Variants in RAB2A observed in about 807,000 individuals in gnomAD.
The protein encoded by RAB2A is ras-related protein Rab-2A.
Under a neutral mutation model 32.5 loss-of-function variants are expected in RAB2A, and 7 were observed. The ratio of observed to expected loss-of-function variants is 0.22; its 90% CI spans 0.12 to 0.40. The LOEUF is 0.40. Ranked by LOEUF, RAB2A falls within the 10% of genes least tolerant of loss-of-function variation. RAB2A has a pLI of 1.00. For synonymous variants in RAB2A, 79 were observed against 85.2 expected (o/e 0.93, Z 0.40); for missense variants, 108 against 260.7 (o/e 0.41, Z 4.03).
At chr8:60,611,884 ATTAAG>A (rs1268790492) in intron 6 of RAB2A, among the ~76,000 whole-genome samples, 1 of 152,240 alleles carries the variant, frequency 6.6e-6, no homozygotes, top group Non-Finnish European at 1.5e-5. Flanking sequence ...TTTTAAAACT[ATTAAG>A]TTTACATAGA....
At chr8:60,579,751 C>T (rs1803708341) in intron 3 of RAB2A, among the ~76,000 whole-genome samples, 1 of 151,924 alleles carries the variant, frequency 6.6e-6, no homozygotes. Context: ...CCTCAGCTTC[C>T]CGAGTAGCTG....
At chr8:60,575,092 G>GT (rs1563474748) in intron 3 of RAB2A, among the ~76,000 whole-genome samples, 1,461 of 120,874 alleles carry the variant, frequency 0.012, 41 homozygotes, top group African/African-American at 0.05. Context: ...TTTTTTTGGG[G>GT]GTTTTTTTTT....
rs773617092 is a variant in RAB2A, at chr8:60,584,744, G to A, written c.291G>A (p.Leu97=). 2.5e-6 allele frequency: 4 copies of A among 1,612,654 alleles called. No homozygotes were observed. In the South Asian group the frequency reaches 4.4e-5, roughly 18 times the overall value. The change falls in exon 5 of 8, where the codon TTG becomes TTA. Residue 97 remains leucine (L), a synonymous_variant. Coordinates refer to ENST00000262646, the MANE Select transcript of RAB2A (RefSeq NM_002865.3). ...DITRRDTFNH[L]TTWLEDARQH... ...TTAGGAGAGATACATTCAACCACTT[G>A]ACAACCTGGTTAGAAGATGCCCGCC...
Position 60,548,794 on chromosome 8 carries a change from C to G in RAB2A, c.47-10058C>G, listed in dbSNP as rs1334495252. Among the ~76,000 whole-genome samples, 3 of 137,830 alleles carry G rather than the reference C, an allele frequency of 2.2e-5. No individual in the cohort carries two copies. In the South Asian group the frequency reaches 7.1e-4, roughly 33 times the overall value. 90.4% of individuals were successfully genotyped at this position (137,830 alleles called of 152,430 possible). On this transcript the variant is annotated intron_variant, in intron 1 of 7. Transcript: ENST00000262646. ...CTGATCCCCCCACCTCCCTCCCAGA[C>G]GGGGCGGCTGGCCGGGCGGGGGGCT...
intron 1 of RAB2A, among the ~76,000 whole-genome samples, chr8:60,517,878 G>T (rs1012801263): frequency 3.9e-5 from 6 of 152,032 alleles, no homozygotes; most frequent in African/African-American, 1.4e-4. Context: ...ATTACTTGAC[G>T]GCTGGAGAAT....
chr8:60,568,781 G>T (rs1005629336), intron 2 of RAB2A, among the ~76,000 whole-genome samples: 1 of 152,140 alleles, frequency 6.6e-6, no homozygotes, highest in Non-Finnish European at 1.5e-5. Flanking sequence ...TCTTGACTTT[G>T]ACTCCACAGA....
chr8:60,553,405 G>C (rs1807886719), intron 1 of RAB2A, among the ~76,000 whole-genome samples: 1 of 152,202 alleles, frequency 6.6e-6, no homozygotes, highest in Admixed American at 6.5e-5. Context: ...GCCTAGATTA[G>C]TGTTTGATTG....
intron 1 of RAB2A, among the ~76,000 whole-genome samples, chr8:60,523,508 C>T (rs1563457460): frequency 6.6e-6 from 1 of 152,112 alleles, no homozygotes; most frequent in Non-Finnish European, 1.5e-5. Context: ...TTTCCACTGG[C>T]CTGAATTTTA....
intron 5 of RAB2A, among the ~76,000 whole-genome samples, chr8:60,590,380 G>A (rs1344776051): frequency 1.3e-5 from 2 of 151,172 alleles, no homozygotes; most frequent in Admixed American, 6.6e-5. Flanking sequence ...TCTCAGTCCT[G>A]TAGTCCTAGC....
intron 2 of RAB2A, chr8:60,569,889 C>A: frequency 2.3e-6 from 1 of 441,650 alleles, no homozygotes; most frequent in Non-Finnish European, 4.5e-6. Flanking sequence ...AGAGAATATT[C>A]TAGAATGTCT....
At chr8:60,569,833 T>C (rs2130838749) in intron 2 of RAB2A, 2 of 371,744 alleles carry the variant, frequency 5.4e-6, no homozygotes, top group South Asian at 4.0e-5. Context: ...TTAATTTGAA[T>C]AAAGAGACGA....
At chr8:60,557,343 C>T (rs1807954902) in intron 1 of RAB2A, among the ~76,000 whole-genome samples, 1 of 152,078 alleles carries the variant, frequency 6.6e-6, no homozygotes, top group Non-Finnish European at 1.5e-5. Context: ...TAGCAACACC[C>T]TGTCTCTACT....
At chr8:60,595,148 A>C (rs965003450) in intron 6 of RAB2A, among the ~76,000 whole-genome samples, 1 of 152,224 alleles carries the variant, frequency 6.6e-6, no homozygotes, top group East Asian at 1.9e-4. Context: ...TGAAGAAAGA[A>C]TCTTAGAACA....
At chr8:60,612,175 G>A (rs1383787860) in intron 6 of RAB2A, among the ~76,000 whole-genome samples, 3 of 152,024 alleles carry the variant, frequency 2.0e-5, no homozygotes, top group African/African-American at 7.2e-5. Flanking sequence ...TCCCCTCCCT[G>A]TGTCCATGTG....
intron 6 of RAB2A, among the ~76,000 whole-genome samples, chr8:60,611,085 TCA>T (rs1031017955): frequency 6.6e-6 from 1 of 152,232 alleles, no homozygotes; most frequent in Non-Finnish European, 1.5e-5. Flanking sequence ...GTTAATTTCT[TCA>T]CAACAGATAT....
At chr8:60,564,476 AATTGTTC>A (rs1289702553) in intron 2 of RAB2A, among the ~76,000 whole-genome samples, 1 of 152,160 alleles carries the variant, frequency 6.6e-6, no homozygotes, top group Non-Finnish European at 1.5e-5. Context: ...CCACAGAATG[AATTGTTC>A]ATATTTTCTG....
intron 1 of RAB2A, among the ~76,000 whole-genome samples, chr8:60,523,813 C>T (rs1476877771): frequency 6.6e-6 from 1 of 151,804 alleles, no homozygotes; most frequent in Non-Finnish European, 1.5e-5. Context: ...GCCTCAGCCT[C>T]CCAAGTAGCT....
At chr8:60,610,792 A>G (rs550846807) in intron 6 of RAB2A, among the ~76,000 whole-genome samples, 3 of 152,330 alleles carry the variant, frequency 2.0e-5, no homozygotes, top group Non-Finnish European at 2.9e-5. Context: ...AAATTATGCT[A>G]ATAAATGCAT....
Position 60,622,827 on chromosome 8 carries a change from T to C in RAB2A, c.*2058T>C, listed in dbSNP as rs1365117187. On this transcript the variant is annotated 3_prime_UTR_variant, in exon 8 of 8. Transcript: ENST00000262646. ...CAGCAGGTGGACTTCTCAATAGTTC[T>C]TTTCCACATTCTCTACAAATCACAT... 6.6e-6 allele frequency: 1 copy of C among 152,232 alleles called. No individual in the cohort carries two copies. The highest frequency in any genetic ancestry group is 2.4e-5 in the African/African-American group (1 of 41,454). 9.4% of individuals were successfully genotyped at this position (152,232 alleles called of 1,614,324 possible).
Sources: gnomAD v4.1 joint callset for allele counts (sites outside exome capture counted in the v4.1 genomes callset) on GRCh38, gnomAD v4.1.1 for gene constraint, MANE v1.5 for transcripts, NCBI Gene and HGNC (gene_info 2026-07-23, HGNC 2026-07-21) for gene names.